PALS2: variants seen among roughly 807,000 people sequenced by gnomAD.
The protein encoded by PALS2 is protein associated with LIN7 2, MAGUK p55 family member.
A neutral mutation model predicts 61.6 loss-of-function variants in PALS2; 27 were observed. That is an observed-to-expected ratio of 0.44 (90% confidence interval 0.32 to 0.60). The LOEUF (loss-of-function observed/expected upper bound fraction) is 0.60, where lower values mean the gene tolerates loss of function less well. Among genes scored for constraint, PALS2 ranks in the 20% least tolerant of loss-of-function variants. The probability of loss-of-function intolerance (pLI) is 0.05; values close to 1 mark genes in which losing one functional copy is unlikely to be tolerated. For synonymous variants in PALS2, 236 were observed against 218.6 expected (o/e 1.08, Z -0.70); for missense variants, 554 against 639.4 (o/e 0.87, Z 1.44).
At chr7:24,591,042 T>C (rs1208154296) in intron 1 of PALS2, among the ~76,000 whole-genome samples, 1 of 152,028 alleles carries the variant, frequency 6.6e-6, no homozygotes, top group African/African-American at 2.4e-5. Flanking sequence ...TTGTCTCACC[T>C]CCCCTCCAGT....
intron 9 of PALS2, among the ~76,000 whole-genome samples, chr7:24,676,039 C>T (rs1341426932): frequency 6.8e-6 from 1 of 147,844 alleles, no homozygotes; most frequent in Non-Finnish European, 1.5e-5. Flanking sequence ...TTCTCCACAT[C>T]CTCTCCAGCA....
At chr7:24,623,087 A>G (rs750960123) in intron 1 of PALS2, among the ~76,000 whole-genome samples, 4 of 151,378 alleles carry the variant, frequency 2.6e-5, no homozygotes, top group Middle Eastern at 6.8e-3. Flanking sequence ...AGATTTTTGC[A>G]TTTGTATTTC....
intron 2 of PALS2, among the ~76,000 whole-genome samples, chr7:24,633,797 G>A (rs1349368076): frequency 6.6e-6 from 1 of 151,998 alleles, no homozygotes; most frequent in Non-Finnish European, 1.5e-5. Context: ...AGGAACTGCC[G>A]GACTGTTATC....
chr7:24,594,427 C>A (rs904066702), intron 1 of PALS2, among the ~76,000 whole-genome samples: 5 of 152,240 alleles, frequency 3.3e-5, no homozygotes, highest in African/African-American at 1.2e-4. Flanking sequence ...CTCAAGAGGC[C>A]TTTCAGCCTC....
At chr7:24,624,633 G>GTCTC (rs1460898403) in intron 2 of PALS2, among the ~76,000 whole-genome samples, 1 of 45,406 alleles carries the variant, frequency 2.2e-5, no homozygotes, top group Non-Finnish European at 3.3e-5. Context: ...TTGAGAGGAA[G>GTCTC]TCTCACTTTG....
At chr7:24,648,289 CTTT>C (rs1265008724) in intron 3 of PALS2, among the ~76,000 whole-genome samples, 6,652 of 118,574 alleles carry the variant, frequency 0.056, 113 homozygotes, top group Non-Finnish European at 0.065. Flanking sequence ...AAAAATTATT[CTTT>C]TTTTTTTTTT....
chr7:24,688,704 T>A lies in PALS2; in HGVS notation c.*1090T>A, dbSNP rs1344185080. The A allele has an allele frequency of 6.6e-6, 1 of 150,818 alleles. No individual in the cohort carries two copies. Among genetic ancestry groups the A allele is most frequent in the Non-Finnish European group, 1.5e-5 (1 of 67,692 alleles). 9.3% of individuals were successfully genotyped at this position (150,818 alleles called of 1,614,324 possible). ...GGAAATAATTGTCAGCTATTTTGTA[T>A]ACATACACACAAAATATATACATTA... On this transcript the variant is annotated 3_prime_UTR_variant, in exon 12 of 12. Coordinates refer to ENST00000222644, the MANE Select transcript of PALS2 (RefSeq NM_001303037.2).
At chr7:24,648,722 G>A (rs1005925144) in intron 3 of PALS2, among the ~76,000 whole-genome samples, 3 of 151,920 alleles carry the variant, frequency 2.0e-5, no homozygotes, top group East Asian at 3.9e-4. Flanking sequence ...TAGCTAACAC[G>A]GTGAAACCCC....
chr7:24,693,179 T>C lies in PALS2; in HGVS notation c.*5565T>C, dbSNP rs1788553765. 1 of 152,154 alleles carries C rather than the reference T, an allele frequency of 6.6e-6. No homozygotes were observed. The highest frequency in any genetic ancestry group is 1.5e-5 in the Non-Finnish European group (1 of 68,010). 9.4% of individuals were successfully genotyped at this position (152,154 alleles called of 1,614,324 possible). ...GCCACCAATCAGAAGATTGAGTGAT[T>C]TACTGCTTGTAAAGCAACTGTCTTT... On this transcript the variant is annotated 3_prime_UTR_variant, in exon 12 of 12. Transcript: ENST00000222644.
intron 9 of PALS2, among the ~76,000 whole-genome samples, chr7:24,669,243 C>T (rs753755971): frequency 6.6e-6 from 1 of 152,178 alleles, no homozygotes; most frequent in Non-Finnish European, 1.5e-5. Flanking sequence ...GTGAACCAAG[C>T]ACTCATTTTA....
intron 2 of PALS2, among the ~76,000 whole-genome samples, chr7:24,638,143 T>G (rs1785329613): frequency 6.6e-6 from 1 of 151,948 alleles, no homozygotes. Context: ...TTCCAAGTTT[T>G]TGACAACATC....
rs1477411841 is a variant in PALS2 at position 24,618,471 on chromosome 7, C to T, written c.-2-5195C>T. Among the ~76,000 whole-genome samples, 1 of 152,190 alleles carries T rather than the reference C, an allele frequency of 6.6e-6. No homozygotes were observed. Among genetic ancestry groups the T allele is most frequent in the African/African-American group, 2.4e-5 (1 of 41,438 alleles). On this transcript the variant is annotated intron_variant, in intron 1 of 11. Coordinates refer to ENST00000222644, the MANE Select transcript of PALS2 (RefSeq NM_001303037.2). The surrounding 1 kb of genome is among the most constrained non-coding windows in gnomAD (Gnocchi z 5.1). ...GAAATGGTTCTGGTCTCAAGGTGAT[C>T]GGTGACATGCTGCAGCAGCTTGGCT...
chr7:24,630,920 A>C (rs538832768), intron 2 of PALS2, among the ~76,000 whole-genome samples: 1 of 152,336 alleles, frequency 6.6e-6, no homozygotes, highest in East Asian at 1.9e-4. Flanking sequence ...GGTTATTGAC[A>C]ACACACTTGG....
At chr7:24,678,995 G>A in intron 9 of PALS2, 136 bp from the exon 10 acceptor site, 2 of 667,164 alleles carry the variant, frequency 3.0e-6, no homozygotes, top group East Asian at 2.7e-5. Flanking sequence ...ACAAAAATAA[G>A]AAGCAGATCA....
chr7:24,623,629 T>TTGTTTGTTTGTTTTTA, intron 1 of PALS2, 37 bp from the exon 2 acceptor site: 1 of 1,286,560 alleles, frequency 7.8e-7, no homozygotes, highest in Non-Finnish European at 1.1e-6. Flanking sequence ...GTTTGTTTGT[T>TTGTTTGTTTGTTTTTA]TGTTTGTTTG....
chr7:24,594,537 A>G (rs1355236108), intron 1 of PALS2, among the ~76,000 whole-genome samples: 2 of 152,022 alleles, frequency 1.3e-5, no homozygotes, highest in African/African-American at 4.8e-5. Context: ...ACTCTTAGAG[A>G]TTATTGTAGA....
Position 24,689,788 on chromosome 7 carries a change from G to A in PALS2, c.*2174G>A, listed in dbSNP as rs1788386467. The stretch of plus-strand genomic sequence containing the variant: ...GCACAGTATCAAGGTGATGCCCTAT[G>A]ACAATGTTTCAACACACACTTGAAA... On this transcript the variant is annotated 3_prime_UTR_variant, in exon 12 of 12. Coordinates refer to ENST00000222644, the MANE Select transcript of PALS2 (RefSeq NM_001303037.2). The A allele has an allele frequency of 6.6e-6, 1 of 150,592 alleles. No homozygotes were observed. Among genetic ancestry groups the A allele is most frequent in the African/African-American group, 2.5e-5 (1 of 40,588 alleles). The allele number at this position is 150,592 out of a possible 1,614,324, so 9.3% of individuals were successfully genotyped here.
In PALS2 at chr7:24,641,730, A is replaced by G. The variant is rs139490820; in HGVS notation, c.132A>G (p.Leu44=). 4.7e-4 allele frequency: 751 copies of G among 1,610,464 alleles called. 3 individuals carry two copies. The African/African-American group carries it at 8.9e-3, about 19-fold the overall frequency. ...TATTTTTTCAGGCTCATGAGAGGCT[A>G]GAAGATTCCAAACTAGAAGCTGTCA... is the stretch of plus-strand genomic sequence containing the variant. ...VKSLAKAHER[L]EDSKLEAVSD... Residue 44 remains leucine, a synonymous_variant, in exon 3 of 12, where the codon CTA becomes CTG. Coordinates refer to ENST00000222644, the MANE Select transcript of PALS2 (RefSeq NM_001303037.2).
Position 24,649,633 on chromosome 7 carries a change from A to G in PALS2, c.292A>G (p.Ile98Val). Reference sequence around the variant, plus strand: ...ATAGTCACTGTTGGAGGCCCATGATATTGTGGCATCAAAGTGTTATGATTC... The same window carrying G: ...ATAGTCACTGTTGGAGGCCCATGATGTTGTGGCATCAAAGTGTTATGATTC... Reference protein sequence around the residue: ...HFQSLLEAHDIVASKCYDSPP... With the variant: ...HFQSLLEAHDVVASKCYDSPP... Residue 98 changes from isoleucine to valine, a missense_variant, in exon 4 of 12, where the codon ATT (isoleucine) becomes GTT (valine). Physicochemically the swap from Ile to Val is conservative, Grantham distance 29. Transcript: ENST00000222644. 6.2e-7 allele frequency: 1 copy of G among 1,609,480 alleles called. No individual in the cohort carries two copies. The highest frequency in any genetic ancestry group is 8.5e-7 in the Non-Finnish European group (1 of 1,177,982).
Sources: allele counts gnomAD v4.1 joint callset (sites outside exome capture counted in the v4.1 genomes callset), GRCh38; gene constraint gnomAD v4.1.1; non-coding constraint Gnocchi (gnomAD v3.1); transcripts MANE v1.5; gene names NCBI Gene and HGNC (gene_info 2026-07-23, HGNC 2026-07-21).